DISC1: variants seen among roughly 807,000 people sequenced by gnomAD.
The protein encoded by DISC1 is DISC1 scaffold protein.
In DISC1, 57 loss-of-function variants were observed where a neutral mutation model predicts 84.5. The ratio of observed to expected loss-of-function variants is 0.67; its 90% CI spans 0.55 to 0.84. The LOEUF is 0.84. Among genes scored for constraint, DISC1 ranks in the 40% least tolerant of loss-of-function variants. The probability of loss-of-function intolerance (pLI) is 0.00; values close to 1 mark genes in which losing one functional copy is unlikely to be tolerated. For synonymous variants in DISC1, 411 were observed against 415.2 expected, an observed-to-expected ratio of 0.99 and a Z score of 0.12; for missense variants, 1,000 against 1,057.8, an observed-to-expected ratio of 0.95 and a Z score of 0.76.
chr1:231,783,269 G>T (rs896076461), intron 6 of DISC1, among the ~76,000 whole-genome samples: 5 of 152,114 alleles, frequency 3.3e-5, no homozygotes, highest in Non-Finnish European at 7.3e-5. Flanking sequence ...TGAAAATATG[G>T]AGCTGACTTG....
In DISC1 at chr1:231,923,169, C is replaced by T. The variant is rs570697636; in HGVS notation, c.1982-35659C>T. Among the ~76,000 whole-genome samples the T allele has an allele frequency of 1.3e-4, 20 of 152,026 alleles. 1 individual carries two copies. The highest frequency in any genetic ancestry group is 8.3e-4 in the South Asian group (4 of 4,796). On this transcript the variant is annotated intron_variant, in intron 9 of 12. Coordinates refer to ENST00000439617, the MANE Select transcript of DISC1 (RefSeq NM_018662.3). ...GGGTGTGGTGGCATGCGTCTGTAATCCCAGCTACTCTGGAGGCTGAGGCAG... is the reference window on the plus strand; with the variant it reads ...GGGTGTGGTGGCATGCGTCTGTAATTCCAGCTACTCTGGAGGCTGAGGCAG...
chr1:231,669,496 C>G (rs1572689940), intron 1 of DISC1, among the ~76,000 whole-genome samples: 1 of 152,046 alleles, frequency 6.6e-6, no homozygotes, highest in Non-Finnish European at 1.5e-5. Flanking sequence ...TAATATCCAG[C>G]ATCTATAGGG....
intron 9 of DISC1, among the ~76,000 whole-genome samples, chr1:231,942,178 G>A (rs2091382491): frequency 6.6e-6 from 1 of 152,210 alleles, no homozygotes; most frequent in East Asian, 1.9e-4. Flanking sequence ...GCCAGTGCAG[G>A]TATCAAGCAG....
chr1:231,704,921 T>C (rs2066873878), intron 3 of DISC1, among the ~76,000 whole-genome samples: 1 of 152,062 alleles, frequency 6.6e-6, no homozygotes, highest in Admixed American at 6.5e-5. Context: ...AACAACGCCG[T>C]GTTTAAGGCA....
rs771199669 is a variant in DISC1, at chr1:232,009,115, C to T, written c.2307+66C>T. The stretch of plus-strand genomic sequence containing the variant: ...CTAAGGGGTGCTTTGGGACCATGCT[C>T]CAAATGGGAACAATAAATATTGGGA... On this transcript the variant is annotated intron_variant, in intron 11 of 12. Coordinates refer to ENST00000439617, the MANE Select transcript of DISC1 (RefSeq NM_018662.3). The surrounding 1 kb of genome is among the most constrained non-coding windows in gnomAD (Gnocchi z 4.6). 4 of 1,606,080 alleles carry T rather than the reference C, an allele frequency of 2.5e-6. No individual in the cohort carries two copies. In the South Asian group the frequency reaches 3.4e-5, roughly 13 times the overall value.
In DISC1 at chr1:231,626,850, G is replaced by A. The variant is rs1380930167; in HGVS notation, c.-18G>A. The stretch of plus-strand genomic sequence containing the variant: ...GGAGGCAGCCCAGGCGGAGCGGGAG[G>A]AGCTGGCAGCGGGGCGCATGCCAGG... On this transcript the variant is annotated 5_prime_UTR_variant, in exon 1 of 13. Transcript: ENST00000439617. The A allele has an allele frequency of 6.9e-7, 1 of 1,441,024 alleles. No individual in the cohort carries two copies. The highest frequency in any genetic ancestry group is 1.5e-5 in the African/African-American group (1 of 66,508). 89.3% of individuals were successfully genotyped at this position (1,441,024 alleles called of 1,614,324 possible).
intron 9 of DISC1, among the ~76,000 whole-genome samples, chr1:231,906,667 A>G (rs1304892318): frequency 6.6e-6 from 1 of 152,216 alleles, no homozygotes; most frequent in Non-Finnish European, 1.5e-5. Context: ...CAGATTAAGT[A>G]GATTCTCTAA....
chr1:231,641,579 G>T (rs375581291), intron 1 of DISC1, among the ~76,000 whole-genome samples: 1 of 152,228 alleles, frequency 6.6e-6, no homozygotes. Context: ...CAAAGGGACC[G>T]GAGAGGGTTG....
chr1:231,698,642 C>T lies in DISC1; in HGVS notation c.1048-3313C>T, dbSNP rs200918573. Among the ~76,000 whole-genome samples, 45 of 152,110 alleles carry T rather than the reference C, an allele frequency of 3.0e-4. No homozygotes were observed. The highest frequency in any genetic ancestry group is 6.0e-4 in the Non-Finnish European group (41 of 68,028). ...AGAGATCACTGGACGAGGTGGGCAT[C>T]GTGGGGTGGGCTTTGGCTGTAAATG... On this transcript the variant is annotated intron_variant, in intron 2 of 12. Coordinates refer to ENST00000439617, the MANE Select transcript of DISC1 (RefSeq NM_018662.3). The surrounding 1 kb of genome is among the most constrained non-coding windows in gnomAD (Gnocchi z 4.9).
chr1:231,889,201 GC>G (rs2087017154), intron 9 of DISC1, among the ~76,000 whole-genome samples: 1 of 152,162 alleles, frequency 6.6e-6, no homozygotes, highest in South Asian at 2.1e-4. Flanking sequence ...CCTCTAGATG[GC>G]TGTTTGCCTA....
At chr1:231,866,833 C>A in intron 9 of DISC1, 2 of 833,602 alleles carry the variant, frequency 2.4e-6, no homozygotes, top group South Asian at 4.9e-5. Context: ...GAAATGTTGT[C>A]ATTGCGGTTC....
At chr1:231,973,281 C>T (rs1422403519) in intron 10 of DISC1, among the ~76,000 whole-genome samples, 1 of 152,180 alleles carries the variant, frequency 6.6e-6, no homozygotes, top group Non-Finnish European at 1.5e-5. Flanking sequence ...CTCCTGACCT[C>T]GTGATCAGCC....
intron 1 of DISC1, 145 bp from the exon 2 acceptor site, chr1:231,693,681 G>T: frequency 1.7e-6 from 2 of 1,197,950 alleles, no homozygotes; most frequent in Non-Finnish European, 1.2e-6. Flanking sequence ...ATAATGGATT[G>T]GCCCTGGGAC....
At chr1:231,830,699 C>G (rs1254945869) in intron 9 of DISC1, among the ~76,000 whole-genome samples, 1 of 152,154 alleles carries the variant, frequency 6.6e-6, no homozygotes, top group African/African-American at 2.4e-5. Flanking sequence ...TGGAATGAGA[C>G]TGGGGCCTAA....
chr1:231,822,162 T>TA lies in DISC1; in HGVS notation c.1981+3647dup, dbSNP rs573570564. Reference sequence around the variant, plus strand: ...GAAACCGACGTCAAGGGGAGAGATTTAATCACAGAATAATCAGGACTAGAA... The same window carrying TA: ...GAAACCGACGTCAAGGGGAGAGATTTAAATCACAGAATAATCAGGACTAGAA... On this transcript the variant is annotated intron_variant, in intron 9 of 12. Transcript: ENST00000439617. Among the ~76,000 whole-genome samples, 3 of 152,312 alleles carry TA rather than the reference T, an allele frequency of 2.0e-5. No individual in the cohort carries two copies. In the South Asian group the frequency reaches 6.2e-4, roughly 32 times the overall value.
intron 11 of DISC1, among the ~76,000 whole-genome samples, chr1:232,013,307 T>C (rs1321187802): frequency 6.6e-6 from 1 of 152,130 alleles, no homozygotes; most frequent in Non-Finnish European, 1.5e-5. Flanking sequence ...CCTGGCAATG[T>C]TGAGTCATTG....
intron 10 of DISC1, among the ~76,000 whole-genome samples, chr1:231,981,810 G>C (rs991761211): frequency 6.6e-6 from 1 of 152,190 alleles, no homozygotes; most frequent in African/African-American, 2.4e-5. Context: ...GAACCAGTCT[G>C]ACCAGACAGA....
chr1:231,718,051 TC>T (rs1372332419), intron 3 of DISC1, among the ~76,000 whole-genome samples: 2 of 152,170 alleles, frequency 1.3e-5, no homozygotes, highest in Non-Finnish European at 2.9e-5. Flanking sequence ...TTGTGGACTT[TC>T]AGCTCTCCCG....
At position 231,792,725 on chromosome 1, in the gene DISC1, T is replaced by C. The variant is rs1281890591; in HGVS notation, c.1635-2517T>C. On this transcript the variant is annotated intron_variant, in intron 6 of 12. Coordinates refer to ENST00000439617, the MANE Select transcript of DISC1 (RefSeq NM_018662.3). The stretch of plus-strand genomic sequence containing the variant: ...CCATGTTGGATGCCCTCTGTCCTTC[T>C]CACCACCCTAAGTGGTTTCATCTGC... Among the ~76,000 whole-genome samples, 3 of 152,310 alleles carry C rather than the reference T, an allele frequency of 2.0e-5. No homozygotes were observed. In the East Asian group the frequency reaches 5.8e-4, roughly 29 times the overall value.
Sources: allele counts gnomAD v4.1 joint callset (sites outside exome capture counted in the v4.1 genomes callset), GRCh38; gene constraint gnomAD v4.1.1; non-coding constraint Gnocchi (gnomAD v3.1); transcripts MANE v1.5; gene names NCBI Gene and HGNC (gene_info 2026-07-23, HGNC 2026-07-21).